The following UBE2D4 variants were observed in gnomAD, a reference collection of about 807,000 sequenced individuals.
UBE2D4 encodes the protein ubiquitin-conjugating enzyme E2 D4.
Under a neutral mutation model 23.0 loss-of-function variants are expected in UBE2D4, and 17 were observed. That is an observed-to-expected ratio of 0.74 (90% CI 0.51 to 1.11). The LOEUF is 1.11. UBE2D4 is among the 50% of genes least tolerant of loss of function. The pLI is 0.00. For synonymous variants in UBE2D4, 61 were observed against 69.4 expected (o/e 0.88, Z 0.60); for missense variants, 139 against 181.8 (o/e 0.76, Z 1.35).
intron 4 of UBE2D4, among the ~76,000 whole-genome samples, chr7:43,945,655 T>A (rs923541205): frequency 4.6e-5 from 7 of 152,046 alleles, no homozygotes; most frequent in Non-Finnish European, 1.0e-4. Flanking sequence ...AAAAAAACTA[T>A]TAAAAACTAT....
intron 1 of UBE2D4, among the ~76,000 whole-genome samples, 160 bp downstream of exon 1, chr7:43,926,716 G>A (rs1372211335): frequency 6.6e-6 from 1 of 152,184 alleles, no homozygotes; most frequent in Non-Finnish European, 1.5e-5. Flanking sequence ...CCTGAAAAGC[G>A]AACGCAGCCT....
At chr7:43,945,697 A>G (rs1227115299) in intron 4 of UBE2D4, among the ~76,000 whole-genome samples, 16 of 152,196 alleles carry the variant, frequency 1.1e-4, no homozygotes, top group Admixed American at 9.2e-4. Context: ...AGATAATGAT[A>G]TAAAGGATGT....
chr7:43,934,874 T>C (rs1407040907), intron 1 of UBE2D4, among the ~76,000 whole-genome samples: 7 of 152,184 alleles, frequency 4.6e-5, no homozygotes, highest in Non-Finnish European at 8.8e-5. Context: ...CTCTAGAGCA[T>C]TAACAATGCT....
chr7:43,928,874 G>A (rs554534158), intron 1 of UBE2D4, among the ~76,000 whole-genome samples: 18 of 152,308 alleles, frequency 1.2e-4, no homozygotes, highest in Admixed American at 5.9e-4. Flanking sequence ...ATTCAAATGT[G>A]TAGGCTGATA....
Position 43,926,556 on chromosome 7 carries a change from G to A in UBE2D4, c.24G>A (p.Lys8=), listed in dbSNP as rs936299248. The change falls in exon 1 of 7, where the codon AAG becomes AAA. Residue 8 remains lysine (K), a splice_region_variant and synonymous_variant. Coordinates refer to ENST00000222402, the MANE Select transcript of UBE2D4 (RefSeq NM_015983.4). Reference sequence around the variant, plus strand: ...GGATGGCGCTAAAGCGGATCCAGAAGGTACGCACTTTCCCACCCTCCAACT... The same window carrying A: ...GGATGGCGCTAAAGCGGATCCAGAAAGTACGCACTTTCCCACCCTCCAACT... MALKRIQ[K]ELTDLQRDPP... is the part of the protein sequence containing the mutation. 2 of 1,570,852 alleles carry A rather than the reference G, an allele frequency of 1.3e-6. No homozygotes were observed. Among genetic ancestry groups the A allele is most frequent in the Middle Eastern group, 1.7e-4 (1 of 5,990 alleles).
rs750184952 is a variant in UBE2D4, at chr7:43,938,480, C to G, written c.74C>G (p.Pro25Arg). ...RDPPAQCSAG[P>R]VGDDLFHWQA... ...CCTCCTGCCCAGTGTTCTGCAGGAC[C>G]TGTCGGTGATGACTGTAAGTATTTT... Residue 25 changes from proline to arginine, a missense_variant, in exon 2 of 7, where the codon CCT (proline) becomes CGT (arginine). Coordinates refer to ENST00000222402, the MANE Select transcript of UBE2D4 (RefSeq NM_015983.4). 1 of 1,613,992 alleles carries G rather than the reference C, an allele frequency of 6.2e-7. No homozygotes were observed. Among genetic ancestry groups the G allele is most frequent in the Non-Finnish European group, 8.5e-7 (1 of 1,179,980 alleles).
rs540159016 is a variant in UBE2D4, at chr7:43,950,028, A to AT, written c.305-564dup. Among the ~76,000 whole-genome samples the AT allele has an allele frequency of 4.7e-4, 72 of 151,856 alleles. 1 individual carries two copies. The highest frequency in any genetic ancestry group is 1.6e-3 in the African/African-American group (68 of 41,396). On this transcript the variant is annotated intron_variant, in intron 5 of 6. Transcript: ENST00000222402. The stretch of plus-strand genomic sequence containing the variant: ...CACCACTATGCCTGGCTAATTTTGT[A>AT]TTTTTTTAGTAGAGACAGGGTTTCT...
At chr7:43,931,686 G>A (rs964115388) in intron 1 of UBE2D4, among the ~76,000 whole-genome samples, 2 of 151,542 alleles carry the variant, frequency 1.3e-5, no homozygotes, top group Non-Finnish European at 2.9e-5. Context: ...AAGGGGAGGT[G>A]CTCCACACTT....
intron 5 of UBE2D4, among the ~76,000 whole-genome samples, chr7:43,949,645 G>A (rs962239901): frequency 1.3e-5 from 2 of 152,176 alleles, no homozygotes; most frequent in East Asian, 1.9e-4. Flanking sequence ...ATGGTGAGTC[G>A]AAAGCAAAGC....
At chr7:43,938,600 C>T in intron 2 of UBE2D4, 106 bp downstream of exon 2, 1 of 1,104,726 alleles carries the variant, frequency 9.1e-7, no homozygotes, top group African/African-American at 1.5e-5. Flanking sequence ...CTTTGGGAAG[C>T]CAAGGTGGGT....
Position 43,935,394 on chromosome 7 carries a change from A to C in UBE2D4, c.25-3037A>C, listed in dbSNP as rs539255136. 7.2e-5 allele frequency among the ~76,000 whole-genome samples: 11 copies of C among 152,268 alleles called. No individual in the cohort carries two copies. In the East Asian group the frequency reaches 2.1e-3, roughly 29 times the overall value. ...TCCTCATTTTCTTATTATTAATTCAACTTTTTACAGAATACCATAAAAGAC... is the reference window on the plus strand; with the variant it reads ...TCCTCATTTTCTTATTATTAATTCACCTTTTTACAGAATACCATAAAAGAC... On this transcript the variant is annotated intron_variant, in intron 1 of 6. Coordinates refer to ENST00000222402, the MANE Select transcript of UBE2D4 (RefSeq NM_015983.4).
chr7:43,933,160 GTATA>G (rs150783942), intron 1 of UBE2D4, among the ~76,000 whole-genome samples: 1 of 147,158 alleles, frequency 6.8e-6, no homozygotes, highest in African/African-American at 2.5e-5. Context: ...ATGTGTGGGT[GTATA>G]TATATATATA....
chr7:43,929,984 C>G (rs897190225), intron 1 of UBE2D4, among the ~76,000 whole-genome samples: 3 of 152,160 alleles, frequency 2.0e-5, no homozygotes, highest in African/African-American at 7.2e-5. Context: ...ACTTTGGGAG[C>G]AACTCAGTCC....
At chr7:43,950,569 C>A (rs371802361) in intron 5 of UBE2D4, 30 bp from the exon 6 acceptor site, 1 of 1,600,104 alleles carries the variant, frequency 6.2e-7, no homozygotes, top group Non-Finnish European at 8.6e-7. Flanking sequence ...TTCGTGGCTA[C>A]AGCTGACCAA....
intron 1 of UBE2D4, among the ~76,000 whole-genome samples, chr7:43,936,344 G>A (rs1053520792): frequency 2.0e-5 from 3 of 152,052 alleles, no homozygotes. Flanking sequence ...AACTGAGTGT[G>A]TACCATGGTT....
At chr7:43,936,491 A>T (rs1436729329) in intron 1 of UBE2D4, among the ~76,000 whole-genome samples, 1 of 152,138 alleles carries the variant, frequency 6.6e-6, no homozygotes, top group Non-Finnish European at 1.5e-5. Context: ...AATTAATAAA[A>T]TATTTATATA....
chr7:43,935,914 G>A (rs1464297866), intron 1 of UBE2D4, among the ~76,000 whole-genome samples: 2 of 152,250 alleles, frequency 1.3e-5, no homozygotes, highest in East Asian at 3.9e-4. Flanking sequence ...GAAACTGTTG[G>A]GGATTGGAGG....
rs2096000414 is a variant in UBE2D4, at chr7:43,950,699, G to C, written c.398+7G>C. 5.6e-6 allele frequency: 9 copies of C among 1,612,716 alleles called. No homozygotes were observed. The South Asian group carries it at 9.9e-5, about 18-fold the overall frequency. On this transcript the variant is annotated splice_region_variant and intron_variant, in intron 6 of 6. Coordinates refer to ENST00000222402, the MANE Select transcript of UBE2D4 (RefSeq NM_015983.4). ...ACAAGGCCGACAGAGAGAAGTACGT[G>C]TCCTCTTTGGGTTGCCTTTGCACCA...
intron 1 of UBE2D4, among the ~76,000 whole-genome samples, chr7:43,927,598 C>G (rs2095935476): frequency 6.6e-6 from 1 of 152,190 alleles, no homozygotes. Flanking sequence ...GACACCATGC[C>G]CAGTCCTATA....
Sources: allele counts gnomAD v4.1 joint callset (sites outside exome capture counted in the v4.1 genomes callset), GRCh38; gene constraint gnomAD v4.1.1; transcripts MANE v1.5; gene names NCBI Gene and HGNC (gene_info 2026-07-23, HGNC 2026-07-21).